Variants in NRG3 observed in about 807,000 individuals in gnomAD.
The protein encoded by NRG3 is pro-neuregulin-3, membrane-bound isoform.
Under a neutral mutation model 66.9 loss-of-function variants are expected in NRG3, and 31 were observed. That is an observed-to-expected ratio of 0.46 (90% CI 0.35 to 0.63). NRG3 has a LOEUF of 0.63. Among genes scored for constraint, NRG3 ranks in the 20% least tolerant of loss-of-function variants. NRG3 has a pLI of 0.00. For missense variants in NRG3, 910 were observed against 878.9 expected (o/e 1.04, Z -0.45); for synonymous variants, 393 against 359.4 (o/e 1.09, Z -1.06).
At chr10:82,881,363 A>G (rs1438505196) in intron 4 of NRG3, among the ~76,000 whole-genome samples, 2 of 152,244 alleles carry the variant, frequency 1.3e-5, no homozygotes, top group East Asian at 1.9e-4. Flanking sequence ...TCAAGGCTAT[A>G]TTAATGAAGT....
chr10:82,641,639 T>G (rs2050591374), intron 2 of NRG3, among the ~76,000 whole-genome samples: 1 of 152,114 alleles, frequency 6.6e-6, no homozygotes, highest in Non-Finnish European at 1.5e-5. Context: ...AGAAGCCAAC[T>G]GGCTGAATGT....
rs1409317726 is a variant in NRG3 at position 82,959,020 on chromosome 10, C to T, written c.1229C>T (p.Ser410Phe). 2 of 1,607,898 alleles carry T rather than the reference C, an allele frequency of 1.2e-6. No individual in the cohort carries two copies. The highest frequency in any genetic ancestry group is 1.7e-5 in the Admixed American group (1 of 58,198). ...GGTAAAAGCTACAGTCTCAAAGCATCCAGCACAATGGCAAAGTCAGAGAAC... is the reference window on the plus strand; with the variant it reads ...GGTAAAAGCTACAGTCTCAAAGCATTCAGCACAATGGCAAAGTCAGAGAAC... ...QNGKSYSLKASSTMAKSENLV... is the reference protein window; with the variant it reads ...QNGKSYSLKAFSTMAKSENLV... Residue 410 changes from serine (S) to phenylalanine (F), a missense_variant, in exon 6 of 9, where the codon TCC becomes TTC. Physicochemically the swap from Ser to Phe is radical, Grantham distance 155 (BLOSUM62 -2). Transcript: ENST00000372141.
intron 1 of NRG3, among the ~76,000 whole-genome samples, chr10:82,249,632 T>C (rs2077396481): frequency 6.6e-6 from 1 of 152,210 alleles, no homozygotes; most frequent in South Asian, 2.1e-4. Context: ...GAAAAAGTTG[T>C]AAATAAGCAT....
At chr10:82,148,620 G>A (rs2070446010) in intron 1 of NRG3, among the ~76,000 whole-genome samples, 2 of 151,998 alleles carry the variant, frequency 1.3e-5, no homozygotes, top group African/African-American at 2.4e-5. Context: ...TCCTGGGGCT[G>A]GCTGTGGAAT....
At chr10:81,917,447 A>T (rs1408772113) in intron 1 of NRG3, among the ~76,000 whole-genome samples, 2 of 152,224 alleles carry the variant, frequency 1.3e-5, no homozygotes, top group Non-Finnish European at 2.9e-5. Flanking sequence ...CTAAATGACT[A>T]GATGGATGGA....
At chr10:82,840,975 G>A (rs1283104797) in intron 3 of NRG3, among the ~76,000 whole-genome samples, 2 of 152,058 alleles carry the variant, frequency 1.3e-5, no homozygotes, top group East Asian at 1.9e-4. Context: ...CTTGAAAATA[G>A]TCTGCAGATG....
chr10:82,421,407 G>T (rs1433294016), intron 2 of NRG3, among the ~76,000 whole-genome samples: 1 of 151,868 alleles, frequency 6.6e-6, no homozygotes, highest in African/African-American at 2.4e-5. Flanking sequence ...ACATGGAAGG[G>T]AATAGAGAAA....
At chr10:82,086,867 C>T (rs994241585) in intron 1 of NRG3, among the ~76,000 whole-genome samples, 2 of 152,106 alleles carry the variant, frequency 1.3e-5, no homozygotes, top group African/African-American at 2.4e-5. Flanking sequence ...CTTCCAATCT[C>T]GTCTATCTCA....
intron 2 of NRG3, among the ~76,000 whole-genome samples, chr10:82,545,783 C>CTTTTTTT (rs1002975772): frequency 2.2e-5 from 2 of 91,436 alleles, no homozygotes; most frequent in Non-Finnish European, 3.9e-5. Flanking sequence ...AATATCAACT[C>CTTTTTTT]TTTTTTTTTT....
At chr10:82,881,168 T>C (rs1842267932) in intron 4 of NRG3, among the ~76,000 whole-genome samples, 1 of 152,240 alleles carries the variant, frequency 6.6e-6, no homozygotes, top group South Asian at 2.1e-4. Flanking sequence ...AGCTCATTGG[T>C]TCTGGGCAGG....
intron 3 of NRG3, among the ~76,000 whole-genome samples, chr10:82,815,868 A>G (rs1029606098): frequency 6.6e-6 from 1 of 152,190 alleles, no homozygotes; most frequent in African/African-American, 2.4e-5. Context: ...CACGGAGACC[A>G]GCCACTGTGC....
chr10:82,012,407 C>T (rs2061616724), intron 1 of NRG3, among the ~76,000 whole-genome samples: 1 of 152,184 alleles, frequency 6.6e-6, no homozygotes, highest in African/African-American at 2.4e-5. Flanking sequence ...CTGTGAAGAC[C>T]TCTGACATGC....
chr10:81,876,653 G>A (rs943417767), intron 1 of NRG3, among the ~76,000 whole-genome samples: 4 of 152,176 alleles, frequency 2.6e-5, no homozygotes, highest in Non-Finnish European at 5.9e-5. Context: ...TCCTTGTGTG[G>A]GGTGACGAGT....
intron 1 of NRG3, among the ~76,000 whole-genome samples, chr10:82,081,765 G>A (rs749207088): frequency 2.6e-5 from 4 of 152,192 alleles, no homozygotes; most frequent in African/African-American, 4.8e-5. Flanking sequence ...CCATTTCTCC[G>A]CATGGTCTTG....
intron 1 of NRG3, among the ~76,000 whole-genome samples, chr10:82,306,426 G>A (rs954543986): frequency 2.0e-5 from 3 of 150,036 alleles, no homozygotes; most frequent in Non-Finnish European, 4.4e-5. Context: ...GAATTCGGCC[G>A]AGTGCGGTGG....
At chr10:82,848,657 A>T (rs569559408) in intron 3 of NRG3, among the ~76,000 whole-genome samples, 1 of 152,114 alleles carries the variant, frequency 6.6e-6, no homozygotes, top group Admixed American at 6.5e-5. Context: ...AGGCAGAATG[A>T]TATGATTTGG....
intron 3 of NRG3, among the ~76,000 whole-genome samples, chr10:82,788,367 C>T (rs1431552345): frequency 1.3e-5 from 2 of 151,994 alleles, no homozygotes; most frequent in South Asian, 2.1e-4. Context: ...GTCAGGAGTT[C>T]GAGACTAGCC....
chr10:82,181,869 A>T lies in NRG3; in HGVS notation c.824-176870A>T, dbSNP rs540614471. On this transcript the variant is annotated intron_variant, in intron 1 of 8. Transcript: ENST00000372141. ...GTGGGTATTGAAAGGTTCTACTGTT[A>T]TTGTGTTGCTGTGTATTTCTCCCTT... Among the ~76,000 whole-genome samples, 4 of 151,764 alleles carry T rather than the reference A, an allele frequency of 2.6e-5. No individual in the cohort carries two copies. In the South Asian group the frequency reaches 8.3e-4, roughly 31 times the overall value.
intron 1 of NRG3, among the ~76,000 whole-genome samples, chr10:82,344,268 G>A (rs770092245): frequency 2.7e-5 from 4 of 150,676 alleles, no homozygotes; most frequent in Admixed American, 6.6e-5. Flanking sequence ...CTGTGTCCAC[G>A]TGATCTCATT....
Sources: gnomAD v4.1 joint callset for allele counts (sites outside exome capture counted in the v4.1 genomes callset) on GRCh38, gnomAD v4.1.1 for gene constraint, MANE v1.5 for transcripts, NCBI Gene and HGNC (gene_info 2026-07-23, HGNC 2026-07-21) for gene names.